The following PDE8A variants were observed in gnomAD, a reference collection of about 807,000 sequenced individuals.
PDE8A encodes the protein phosphodiesterase 8A, also known as high affinity cAMP-specific and IBMX-insensitive 3',5'-cyclic phosphodiesterase 8A.
PDE8A carries 59 observed loss-of-function variants against 105.0 expected under a neutral mutation model. The observed-to-expected ratio is 0.56, with a 90% CI of 0.46 to 0.70. The LOEUF (loss-of-function observed/expected upper bound fraction) is 0.70, where lower values mean the gene tolerates loss of function less well. PDE8A is among the 30% of genes least tolerant of loss of function. The pLI, the probability that PDE8A is intolerant of heterozygous loss-of-function variation, is 0.00. For synonymous variants in PDE8A, 355 were observed against 371.9 expected (o/e 0.95, Z 0.52); for missense variants, 1,014 against 1,045.9 (o/e 0.97, Z 0.42).
At chr15:85,108,050 A>G (rs1233746250) in intron 11 of PDE8A, among the ~76,000 whole-genome samples, 6 of 152,352 alleles carry the variant, frequency 3.9e-5, no homozygotes, top group Middle Eastern at 3.4e-3. Context: ...TAGTACCACA[A>G]TCAAGTCAGG....
At chr15:85,121,947 T>TG (rs2082189280) in intron 18 of PDE8A, among the ~76,000 whole-genome samples, 1 of 152,224 alleles carries the variant, frequency 6.6e-6, no homozygotes, top group Non-Finnish European at 1.5e-5. Flanking sequence ...GCTTTGTGTC[T>TG]GGATGTTTCA....
chr15:84,986,600 G>A (rs1439728772), intron 1 of PDE8A, among the ~76,000 whole-genome samples: 1 of 144,528 alleles, frequency 6.9e-6, no homozygotes, highest in Non-Finnish European at 1.5e-5. Flanking sequence ...AGTTTACAAA[G>A]TGGATTAGTC....
Position 85,044,437 on chromosome 15 carries a change from C to T in PDE8A, c.187-19933C>T, listed in dbSNP as rs544916329. Among the ~76,000 whole-genome samples, 3 of 152,274 alleles carry T rather than the reference C, an allele frequency of 2.0e-5. No individual in the cohort carries two copies. The South Asian group carries it at 6.2e-4, about 32-fold the overall frequency. On this transcript the variant is annotated intron_variant, in intron 1 of 21. Coordinates refer to ENST00000394553, the MANE Select transcript of PDE8A (RefSeq NM_002605.3). ...CAGGGAAAGCAGCTGAGAACTTTGC[C>T]TCAAGAGTAGACCTTGGTGCCATCT...
chr15:85,088,797 G>C (rs2081594169), intron 6 of PDE8A, among the ~76,000 whole-genome samples: 1 of 152,194 alleles, frequency 6.6e-6, no homozygotes, highest in East Asian at 1.9e-4. Flanking sequence ...TTTTAAAAAT[G>C]TTTTCAAACA....
At chr15:85,124,605 C>T (rs986289558) in intron 19 of PDE8A, among the ~76,000 whole-genome samples, 1 of 152,178 alleles carries the variant, frequency 6.6e-6, no homozygotes, top group African/African-American at 2.4e-5. Context: ...TAGCATATTA[C>T]CCCATGACAC....
At chr15:85,064,863 T>C (rs8032061) in intron 2 of PDE8A, among the ~76,000 whole-genome samples, 31 of 151,908 alleles carry the variant, frequency 2.0e-4, no homozygotes, top group Non-Finnish European at 1.2e-4. Context: ...TCCCAGCTAC[T>C]TGGAAGGCTG....
chr15:85,100,370 T>G (rs754349044), intron 11 of PDE8A, 172 bp downstream of exon 11: 2 of 609,006 alleles, frequency 3.3e-6, no homozygotes, highest in Non-Finnish European at 5.7e-6. Context: ...ACAGAGGACT[T>G]GAGCGCTTGT....
chr15:85,096,655 C>T (rs536755296), intron 8 of PDE8A, among the ~76,000 whole-genome samples: 40 of 152,212 alleles, frequency 2.6e-4, no homozygotes, highest in African/African-American at 9.4e-4. Context: ...GCCTAGGGAA[C>T]CCTGTTTAGT....
upstream of PDE8A, among the ~76,000 whole-genome samples, chr15:84,981,054 C>G (rs1313631674): frequency 6.6e-6 from 1 of 152,216 alleles, no homozygotes; most frequent in Non-Finnish European, 1.5e-5. Flanking sequence ...CCACCGGCCT[C>G]TTTTCTGGGT....
chr15:85,021,995 GAAATGAAT>G (rs1352092714), intron 1 of PDE8A, among the ~76,000 whole-genome samples: 1 of 152,124 alleles, frequency 6.6e-6, no homozygotes, highest in Non-Finnish European at 1.5e-5. Context: ...TTTCTGCTTT[GAAATGAAT>G]AAATATCTTA....
In PDE8A at chr15:85,112,765, C is replaced by T. The variant is rs922240544; in HGVS notation, c.1115-612C>T. Among the ~76,000 whole-genome samples, 5 of 152,272 alleles carry T rather than the reference C, an allele frequency of 3.3e-5. No individual in the cohort carries two copies. The East Asian group carries it at 7.7e-4, about 23-fold the overall frequency. On this transcript the variant is annotated intron_variant, in intron 12 of 21. Transcript: ENST00000394553. ...GTTAACGTTTTTTCTGCCTATATTG[C>T]CTGGGCTTCTCCTCACCCCAAAGGA...
At chr15:85,039,666 C>T (rs1257084365) in intron 1 of PDE8A, among the ~76,000 whole-genome samples, 1 of 152,128 alleles carries the variant, frequency 6.6e-6, no homozygotes, top group Non-Finnish European at 1.5e-5. Flanking sequence ...CTCCTGTGTT[C>T]GTTGCAGTTT....
intron 1 of PDE8A, among the ~76,000 whole-genome samples, chr15:84,989,729 T>TG (rs2079856695): frequency 6.6e-6 from 1 of 152,240 alleles, no homozygotes; most frequent in South Asian, 2.1e-4. Flanking sequence ...CACTATCGCA[T>TG]GTAAGGATTG....
chr15:85,102,542 TAAG>T (rs926919788), intron 11 of PDE8A, among the ~76,000 whole-genome samples: 53 of 151,546 alleles, frequency 3.5e-4, no homozygotes, highest in African/African-American at 1.0e-3. Flanking sequence ...TTTTAACTCT[TAAG>T]AAGAGTACCA....
rs368441407 is a variant in PDE8A, at chr15:85,081,215, A to G, written c.547-2341A>G. On this transcript the variant is annotated intron_variant, in intron 5 of 21. Transcript: ENST00000394553. ...TGGGGCATAGGAAAGGCCATGAGCT[A>G]TTTTGTGTTTTAGCCATGTTTCAGG... Among the ~76,000 whole-genome samples the G allele has an allele frequency of 1.4e-4, 21 of 152,274 alleles. No individual in the cohort carries two copies. In the East Asian group the frequency reaches 4.1e-3, roughly 29 times the overall value.
chr15:85,096,721 C>A (rs1189976631), intron 8 of PDE8A, among the ~76,000 whole-genome samples: 1 of 152,178 alleles, frequency 6.6e-6, no homozygotes, highest in African/African-American at 2.4e-5. Context: ...CCCCTCAGAA[C>A]TGTACCAAGG....
chr15:85,115,681 C>T, intron 15 of PDE8A, 194 bp downstream of exon 15: 1 of 544,160 alleles, frequency 1.8e-6, no homozygotes, highest in South Asian at 2.5e-5. Context: ...CGGTGGCTCA[C>T]ACCGCCGAGA....
intron 1 of PDE8A, among the ~76,000 whole-genome samples, chr15:85,048,983 T>G (rs1233500594): frequency 6.6e-6 from 1 of 152,140 alleles, no homozygotes; most frequent in Non-Finnish European, 1.5e-5. Context: ...ATGCCTGTAG[T>G]CCTGGCTACT....
At chr15:85,135,909 C>CA (rs892753905) in intron 20 of PDE8A, among the ~76,000 whole-genome samples, 1 of 151,476 alleles carries the variant, frequency 6.6e-6, no homozygotes, top group East Asian at 1.9e-4. Context: ...AGAACCTTTT[C>CA]AAAAAAATAA....
Sources: gnomAD v4.1 joint callset for allele counts (sites outside exome capture counted in the v4.1 genomes callset) on GRCh38, gnomAD v4.1.1 for gene constraint, MANE v1.5 for transcripts, NCBI Gene and HGNC (gene_info 2026-07-23, HGNC 2026-07-21) for gene names.